RGS21: variants seen among roughly 807,000 people sequenced by gnomAD.
RGS21 encodes regulator of G-protein signalling 21.
Under a neutral mutation model 18.7 loss-of-function variants are expected in RGS21, and 19 were observed. The observed-to-expected ratio is 1.01, with a 90% confidence interval of 0.71 to 1.49. The LOEUF (loss-of-function observed/expected upper bound fraction) is 1.49. Among genes scored for constraint, RGS21 ranks in the 40% most tolerant of loss-of-function variants. The pLI, the probability that RGS21 is intolerant of heterozygous loss-of-function variation, is 0.00. For missense variants in RGS21, 194 were observed against 176.8 expected, an observed-to-expected ratio of 1.10 and a Z score of -0.55; for synonymous variants, 56 against 57.8, an observed-to-expected ratio of 0.97 and a Z score of 0.14.
At chr1:192,323,929 A>G (rs894312352) in intron 1 of RGS21, among the ~76,000 whole-genome samples, 1 of 43,190 alleles carries the variant, frequency 2.3e-5, no homozygotes, top group Non-Finnish European at 4.6e-5. Flanking sequence ...AAATGTATTC[A>G]AAAAAAGTTG....
intron 4 of RGS21, among the ~76,000 whole-genome samples, chr1:192,356,045 A>T (rs973115479): frequency 2.0e-5 from 3 of 151,830 alleles, no homozygotes; most frequent in Admixed American, 6.6e-5. Flanking sequence ...AAAAAACAGC[A>T]GAAAATGTTT....
chr1:192,327,026 T>C (rs1658577437), intron 1 of RGS21, among the ~76,000 whole-genome samples: 1 of 152,162 alleles, frequency 6.6e-6, no homozygotes, highest in South Asian at 2.1e-4. Flanking sequence ...AAATGGTTTT[T>C]CGATGAGTCC....
intron 4 of RGS21, among the ~76,000 whole-genome samples, chr1:192,358,349 T>C (rs970826483): frequency 6.6e-6 from 1 of 152,010 alleles, no homozygotes; most frequent in Non-Finnish European, 1.5e-5. Context: ...ATGAATTCCT[T>C]CTAGATGTTA....
rs397718879 is a variant in RGS21 at position 192,366,145 on chromosome 1, T to TTAAA, written c.*21_*22insTAAA. ...TGTGAGGAAGGTAAAAGTTAACTAATCACTATACTTCAGGGCTACAATATT... is the reference window on the plus strand; with the variant it reads ...TGTGAGGAAGGTAAAAGTTAACTAATTAAACACTATACTTCAGGGCTACAATATT... On this transcript the variant is annotated 3_prime_UTR_variant, in exon 5 of 5. Coordinates refer to ENST00000417209, the MANE Select transcript of RGS21 (RefSeq NM_001039152.3). The TTAAA allele has an allele frequency of 7.5e-7, 1 of 1,330,048 alleles. No homozygotes were observed. Among genetic ancestry groups the TTAAA allele is most frequent in the Non-Finnish European group, 1.1e-6 (1 of 925,826 alleles). 82.4% of individuals were successfully genotyped at this position (1,330,048 alleles called of 1,614,324 possible).
chr1:192,358,822 G>GCACCTT (rs1659144348), intron 4 of RGS21, among the ~76,000 whole-genome samples: 1 of 152,096 alleles, frequency 6.6e-6, no homozygotes, highest in African/African-American at 2.4e-5. Flanking sequence ...ATTTAAGACT[G>GCACCTT]CTGGTGTAGA....
chr1:192,324,057 T>C (rs1160809884), intron 1 of RGS21, among the ~76,000 whole-genome samples: 3 of 152,110 alleles, frequency 2.0e-5, no homozygotes, highest in African/African-American at 7.2e-5. Context: ...AAAGCAAATA[T>C]ATAGCTACAT....
rs1453644325 is a variant in RGS21 at position 192,352,193 on chromosome 1, G to A, written c.235G>A (p.Glu79Lys). ...CAAGATGATTTATTCTGAATTCATT[G>A]AAGCTGATGCACCTAAAGAGGTGAG... is the stretch of plus-strand genomic sequence containing the variant. ...KAKMIYSEFI[E>K]ADAPKEINID... Residue 79 changes from glutamate to lysine, a missense_variant, in exon 4 of 5, where the codon GAA (glutamate) becomes AAA (lysine). Coordinates refer to ENST00000417209, the MANE Select transcript of RGS21 (RefSeq NM_001039152.3). The A allele has an allele frequency of 6.2e-7, 1 of 1,607,860 alleles. No individual in the cohort carries two copies.
At position 192,355,721 on chromosome 1, in the gene RGS21, T is replaced by C. The variant is rs189690459; in HGVS notation, c.255+3508T>C. Among the ~76,000 whole-genome samples the C allele has an allele frequency of 8.6e-5, 13 of 151,652 alleles. No individual in the cohort carries two copies. The East Asian group carries it at 2.5e-3, about 29-fold the overall frequency. On this transcript the variant is annotated intron_variant, in intron 4 of 4. Coordinates refer to ENST00000417209, the MANE Select transcript of RGS21 (RefSeq NM_001039152.3). ...AGCTTGGATTGCTAATTTCAGATTA[T>C]TGAATTTTCAAGAAAATATTACTTA... is the stretch of plus-strand genomic sequence containing the variant.
intron 4 of RGS21, among the ~76,000 whole-genome samples, chr1:192,356,129 G>A (rs992149619): frequency 6.6e-6 from 1 of 151,778 alleles, no homozygotes; most frequent in African/African-American, 2.4e-5. Context: ...AGTCATAAAC[G>A]AGAGTACATC....
chr1:192,319,078 T>A (rs1658460461), intron 1 of RGS21, among the ~76,000 whole-genome samples: 1 of 151,902 alleles, frequency 6.6e-6, no homozygotes, highest in African/African-American at 2.4e-5. Context: ...CCCATCTCTA[T>A]AAAAATAATT....
At chr1:192,318,597 C>G (rs559802274) in intron 1 of RGS21, among the ~76,000 whole-genome samples, 2 of 152,070 alleles carry the variant, frequency 1.3e-5, no homozygotes, top group African/African-American at 4.8e-5. Flanking sequence ...GGTCAGATAT[C>G]ATTTACTTCT....
At chr1:192,318,972 G>A (rs1571445472) in intron 1 of RGS21, among the ~76,000 whole-genome samples, 3 of 152,224 alleles carry the variant, frequency 2.0e-5, no homozygotes, top group African/African-American at 4.8e-5. Context: ...GCTCATGCCT[G>A]TAGTTCTAGC....
chr1:192,319,487 A>G (rs1658465838), intron 1 of RGS21, among the ~76,000 whole-genome samples: 1 of 152,150 alleles, frequency 6.6e-6, no homozygotes, highest in African/African-American at 2.4e-5. Context: ...TGCTAAGGCT[A>G]TGTATGCAAT....
At chr1:192,361,879 T>C (rs1180932995) in intron 4 of RGS21, among the ~76,000 whole-genome samples, 1 of 152,106 alleles carries the variant, frequency 6.6e-6, no homozygotes, top group Non-Finnish European at 1.5e-5. Flanking sequence ...CAAAATTGAA[T>C]ATAATAAAAA....
chr1:192,323,198 CTTGT>C (rs1658519774), intron 1 of RGS21, among the ~76,000 whole-genome samples: 1 of 152,108 alleles, frequency 6.6e-6, no homozygotes, highest in Admixed American at 6.6e-5. Context: ...GTAGTCACTC[CTTGT>C]TTTACCCCAC....
At chr1:192,340,247 G>A (rs1260628469) in intron 1 of RGS21, among the ~76,000 whole-genome samples, 1 of 151,982 alleles carries the variant, frequency 6.6e-6, no homozygotes, top group Non-Finnish European at 1.5e-5. Context: ...TCTTCACCAT[G>A]TTTCTGTGAA....
At chr1:192,357,757 A>G (rs1483337971) in intron 4 of RGS21, among the ~76,000 whole-genome samples, 1 of 152,020 alleles carries the variant, frequency 6.6e-6, no homozygotes, top group Non-Finnish European at 1.5e-5. Flanking sequence ...CTAGTCACAT[A>G]CAATATATCT....
Position 192,354,210 on chromosome 1 carries a change from G to A in RGS21, c.255+1997G>A, listed in dbSNP as rs540182150. Among the ~76,000 whole-genome samples the A allele has an allele frequency of 5.3e-5, 8 of 151,740 alleles. No individual in the cohort carries two copies. In the South Asian group the frequency reaches 1.2e-3, roughly 24 times the overall value. The stretch of plus-strand genomic sequence containing the variant: ...AAATTACCGAGTGAAAGAAGAGACT[G>A]ACACATAATAAAACTAGTCAAATAC... On this transcript the variant is annotated intron_variant, in intron 4 of 4. Transcript: ENST00000417209.
At chr1:192,329,729 G>A (rs868787081) in intron 1 of RGS21, among the ~76,000 whole-genome samples, 7 of 151,212 alleles carry the variant, frequency 4.6e-5, no homozygotes, top group South Asian at 2.1e-4. Flanking sequence ...CAATAGTACA[G>A]ATGAGAAAAG....
Sources: gnomAD v4.1 joint callset for allele counts (sites outside exome capture counted in the v4.1 genomes callset) on GRCh38, gnomAD v4.1.1 for gene constraint, MANE v1.5 for transcripts, NCBI Gene and HGNC (gene_info 2026-07-23, HGNC 2026-07-21) for gene names.